FRMPD4: variants seen among roughly 807,000 people sequenced by gnomAD.
FRMPD4 encodes FERM and PDZ domain containing 4.
FRMPD4 carries 22 observed loss-of-function variants against 94.1 expected under a neutral mutation model. The observed-to-expected ratio is 0.23, with a 90% CI of 0.17 to 0.33. The LOEUF (loss-of-function observed/expected upper bound fraction) is 0.33. Ranked by LOEUF, FRMPD4 falls within the 10% of genes least tolerant of loss-of-function variation. The probability of loss-of-function intolerance (pLI) is 1.00; values close to 1 mark genes in which losing one functional copy is unlikely to be tolerated. For synonymous variants in FRMPD4, 631 were observed against 548.6 expected (o/e 1.15, Z -2.10); for missense variants, 1,111 against 1,339.9 (o/e 0.83, Z 2.67).
chrX:12,413,078 T>C (rs1021438696), intron 1 of FRMPD4, among the ~76,000 whole-genome samples: 6 of 111,526 alleles, frequency 5.4e-5, no homozygotes, highest in African/African-American at 1.6e-4. Flanking sequence ...CACCACATCA[T>C]TGTATGCTAG....
intron 3 of FRMPD4, among the ~76,000 whole-genome samples, chrX:11,925,088 G>A (rs1253460863): frequency 9.2e-6 from 1 of 108,985 alleles, no homozygotes; most frequent in Non-Finnish European, 1.9e-5. Context: ...AAAAAAAGCA[G>A]GGGTTGCAAT....
At chrX:12,264,413 G>A (rs1219634787) in intron 1 of FRMPD4, among the ~76,000 whole-genome samples, 1 of 111,757 alleles carries the variant, frequency 8.9e-6, no homozygotes, top group Non-Finnish European at 1.9e-5. Flanking sequence ...ACAGTTGGGT[G>A]TTGTCTTAGG....
chrX:12,714,521 T>C (rs1010444643), intron 14 of FRMPD4, among the ~76,000 whole-genome samples: 2 of 112,119 alleles, frequency 1.8e-5, no homozygotes, highest in African/African-American at 6.5e-5. Flanking sequence ...AGTGGACATA[T>C]CTTTTGGGGG....
chrX:12,108,353 C>G (rs2055320015), intron 3 of FRMPD4, among the ~76,000 whole-genome samples: 2 of 111,651 alleles, frequency 1.8e-5, no homozygotes, highest in Non-Finnish European at 3.8e-5. Context: ...AAATAAAATC[C>G]TTTACAGACA....
intron 2 of FRMPD4, among the ~76,000 whole-genome samples, chrX:12,499,958 G>A (rs1209700651): frequency 8.9e-6 from 1 of 111,968 alleles, no homozygotes; most frequent in Non-Finnish European, 1.9e-5. Flanking sequence ...AACTTTTTGA[G>A]GAACCACCAA....
Position 12,440,044 on chromosome X carries a change from T to TA in FRMPD4, c.42-58631dup, listed in dbSNP as rs199835137. ...AGATTTCTCCAAGCTTTAGTTTTTT[T>TA]AAAAATCTATAAAATGGAAGTAATT... is the stretch of plus-strand genomic sequence containing the variant. On this transcript the variant is annotated intron_variant, in intron 1 of 16. Transcript: ENST00000675598. Among the ~76,000 whole-genome samples the TA allele has an allele frequency of 7.2e-5, 8 of 110,795 alleles. No homozygotes were observed. The East Asian group carries it at 2.3e-3, about 32-fold the overall frequency.
chrX:12,326,035 C>A (rs1296070619), intron 1 of FRMPD4, among the ~76,000 whole-genome samples: 1 of 112,203 alleles, frequency 8.9e-6, no homozygotes, highest in East Asian at 2.8e-4. Context: ...CTCAGATGGT[C>A]TGTTTCATTT....
At chrX:11,900,134 G>T (rs1184283609) in intron 3 of FRMPD4, among the ~76,000 whole-genome samples, 1 of 110,614 alleles carries the variant, frequency 9.0e-6, no homozygotes, top group Non-Finnish European at 1.9e-5. Flanking sequence ...GACAATTATT[G>T]TTGGCTTTTT....
intron 3 of FRMPD4, among the ~76,000 whole-genome samples, chrX:12,100,242 C>CTCAA (rs1569158403): frequency 8.9e-6 from 1 of 111,945 alleles, no homozygotes; most frequent in Non-Finnish European, 1.9e-5. Context: ...CCTTTCTAGA[C>CTCAA]CCAACAAATT....
chrX:12,682,787 T>C (rs2059985441), intron 5 of FRMPD4, among the ~76,000 whole-genome samples: 1 of 111,572 alleles, frequency 9.0e-6, no homozygotes, highest in South Asian at 3.8e-4. Context: ...CTCTTTCTGA[T>C]AAAAGAAAGG....
chrX:12,264,229 AT>A (rs1201501812), intron 1 of FRMPD4, among the ~76,000 whole-genome samples: 5 of 111,868 alleles, frequency 4.5e-5, no homozygotes, highest in African/African-American at 1.6e-4. Flanking sequence ...AGGCCTAATG[AT>A]GTGCATTACC....
chrX:12,108,824 GA>G (rs2055326703), intron 3 of FRMPD4, among the ~76,000 whole-genome samples: 1 of 111,950 alleles, frequency 8.9e-6, no homozygotes, highest in South Asian at 3.7e-4. Flanking sequence ...AAGAGACAAA[GA>G]AGGCCATTAT....
intron 1 of FRMPD4, among the ~76,000 whole-genome samples, chrX:12,214,076 A>G (rs1054782712): frequency 8.9e-6 from 1 of 112,135 alleles, no homozygotes; most frequent in African/African-American, 3.2e-5. Flanking sequence ...CAATGATGTC[A>G]TGTTATATGA....
At chrX:12,237,313 A>G (rs910254594) in intron 1 of FRMPD4, among the ~76,000 whole-genome samples, 3 of 111,633 alleles carry the variant, frequency 2.7e-5, no homozygotes, top group Non-Finnish European at 5.6e-5. Context: ...ATGTTCAGAC[A>G]TGCTCCATTC....
At chrX:12,430,019 T>A (rs1259201418) in intron 1 of FRMPD4, among the ~76,000 whole-genome samples, 6 of 112,123 alleles carry the variant, frequency 5.4e-5, no homozygotes, top group African/African-American at 1.6e-4. Flanking sequence ...CTTTCTGGCC[T>A]CTGGAACTGT....
chrX:12,076,327 C>T (rs1178433359), intron 3 of FRMPD4, among the ~76,000 whole-genome samples: 25 of 98,129 alleles, frequency 2.5e-4, no homozygotes, highest in African/African-American at 8.4e-4. Context: ...CCTAGCAAAA[C>T]GTGTGTGTGT....
At chrX:12,630,678 C>G (rs901892802) in intron 4 of FRMPD4, among the ~76,000 whole-genome samples, 42 of 111,694 alleles carry the variant, frequency 3.8e-4, no homozygotes, top group African/African-American at 1.0e-3. Flanking sequence ...TAATCCACCC[C>G]CCAGGGTGGC....
chrX:11,971,736 A>G (rs2054341258), intron 3 of FRMPD4, among the ~76,000 whole-genome samples: 1 of 112,139 alleles, frequency 8.9e-6, no homozygotes, highest in East Asian at 2.8e-4. Flanking sequence ...GTCTGGGCCT[A>G]TTGTCCCAGT....
chrX:11,942,730 T>A (rs946458657), intron 3 of FRMPD4, among the ~76,000 whole-genome samples: 1 of 112,081 alleles, frequency 8.9e-6, no homozygotes, highest in Non-Finnish European at 1.9e-5. Flanking sequence ...AATTCAATTT[T>A]AACCATTTTA....
Sources: allele counts gnomAD v4.1 joint callset (sites outside exome capture counted in the v4.1 genomes callset), GRCh38; gene constraint gnomAD v4.1.1; transcripts MANE v1.5; gene names NCBI Gene and HGNC (gene_info 2026-07-23, HGNC 2026-07-21).